The following CDH4 variants were observed in gnomAD, a reference collection of about 807,000 sequenced individuals.
CDH4 encodes cadherin-4.
CDH4 carries 33 observed loss-of-function variants against 86.0 expected under a neutral mutation model. The observed-to-expected ratio is 0.38, with a 90% CI of 0.29 to 0.51. The LOEUF (loss-of-function observed/expected upper bound fraction) is 0.51. Ranked by LOEUF, CDH4 falls within the 20% of genes least tolerant of loss-of-function variation. The pLI is 0.86. For missense variants in CDH4, 1,114 were observed against 1,307.4 expected (o/e 0.85, Z 2.28); for synonymous variants, 555 against 549.4 (o/e 1.01, Z -0.14).
chr20:61,353,093 G>T (rs1263672563), intron 2 of CDH4, among the ~76,000 whole-genome samples: 1 of 152,154 alleles, frequency 6.6e-6, no homozygotes. Flanking sequence ...TCGCCTGCCC[G>T]ACTCTGTCCT....
At chr20:61,906,528 G>A (rs2054790261) in intron 8 of CDH4, among the ~76,000 whole-genome samples, 1 of 152,370 alleles carries the variant, frequency 6.6e-6, no homozygotes, top group African/African-American at 2.4e-5. Context: ...GGGGAGGCCA[G>A]CAGGTTTTCA....
At chr20:61,740,124 A>C (rs1448735392) in intron 2 of CDH4, among the ~76,000 whole-genome samples, 1 of 152,242 alleles carries the variant, frequency 6.6e-6, no homozygotes, top group Non-Finnish European at 1.5e-5. Context: ...TGAAAAGTAG[A>C]ATGGAACGTG....
chr20:61,440,737 C>T (rs569238091), intron 2 of CDH4, among the ~76,000 whole-genome samples: 4 of 152,310 alleles, frequency 2.6e-5, no homozygotes, highest in Non-Finnish European at 4.4e-5. Context: ...CCGTGGCGGG[C>T]GCCATGGAGG....
At chr20:61,936,568 T>C (rs917167185) in intron 15 of CDH4, among the ~76,000 whole-genome samples, 169 bp from the exon 16 acceptor site, 1 of 149,860 alleles carries the variant, frequency 6.7e-6, no homozygotes, top group African/African-American at 2.5e-5. Flanking sequence ...AATGCCCTTT[T>C]CTACTCGGAA....
intron 8 of CDH4, among the ~76,000 whole-genome samples, chr20:61,900,083 G>A (rs1985315107): frequency 6.6e-6 from 1 of 152,068 alleles, no homozygotes; most frequent in African/African-American, 2.4e-5. Context: ...AGCTCTGCAG[G>A]GCAGACAGGC....
rs778048684 is a variant in CDH4 at position 61,258,329 on chromosome 20, C to CA, written c.169+3408dup. ...TGGGCAAAAGAACGAGACTCCGTCTCAAAAAAAAAAAAAAAAGAAAAAAAA... is the reference window on the plus strand; with the variant it reads ...TGGGCAAAAGAACGAGACTCCGTCTCAAAAAAAAAAAAAAAAAGAAAAAAAA... On this transcript the variant is annotated intron_variant, in intron 2 of 15. Coordinates refer to ENST00000614565, the MANE Select transcript of CDH4 (RefSeq NM_001794.5). Among the ~76,000 whole-genome samples the CA allele has an allele frequency of 6.6e-3, 409 of 62,354 alleles. 17 individuals are homozygous for CA. Among genetic ancestry groups the CA allele is most frequent in the South Asian group, 0.012 (11 of 902 alleles). 40.9% of individuals were successfully genotyped at this position (62,354 alleles called of 152,430 possible). A position where few individuals can be genotyped will look rare whatever the true frequency, so the allele number is the denominator to read the frequency against.
intron 2 of CDH4, among the ~76,000 whole-genome samples, chr20:61,657,704 G>A (rs1474634463): frequency 6.6e-6 from 1 of 152,210 alleles, no homozygotes; most frequent in Non-Finnish European, 1.5e-5. Flanking sequence ...AAGGGACGTC[G>A]ATCAAAATGA....
chr20:61,296,147 G>A lies in CDH4; in HGVS notation c.169+41210G>A, dbSNP rs539291902. Among the ~76,000 whole-genome samples the A allele has an allele frequency of 4.6e-5, 7 of 152,276 alleles. No homozygotes were observed. The South Asian group carries it at 1.2e-3, about 27-fold the overall frequency. ...ATCCACACCACATCAAGGGTTGGAT[G>A]TGCTGGAACTTTAGAGTTGTCGAAA... On this transcript the variant is annotated intron_variant, in intron 2 of 15. Coordinates refer to ENST00000614565, the MANE Select transcript of CDH4 (RefSeq NM_001794.5).
chr20:61,591,334 T>G (rs1428054404), intron 2 of CDH4, among the ~76,000 whole-genome samples: 1 of 152,248 alleles, frequency 6.6e-6, no homozygotes, highest in Non-Finnish European at 1.5e-5. Flanking sequence ...TAATGTATTT[T>G]ATGAAAACAA....
rs551997085 is a variant in CDH4 at position 61,910,942 on chromosome 20, A to T, written c.1374+335A>T. Among the ~76,000 whole-genome samples, 7 of 152,290 alleles carry T rather than the reference A, an allele frequency of 4.6e-5. No individual in the cohort carries two copies. The East Asian group carries it at 1.4e-3, about 29-fold the overall frequency. ...TCTTTGCATTCCTGAGACAGATCCC[A>T]CTGAGTAGTGAGGTAATATTTTGTA... On this transcript the variant is annotated intron_variant, in intron 9 of 15. Transcript: ENST00000614565.
In CDH4 at chr20:61,768,318, C is replaced by T. The variant is rs548548324; in HGVS notation, c.397-4685C>T. On this transcript the variant is annotated intron_variant, in intron 3 of 15. Transcript: ENST00000614565. Reference sequence around the variant, plus strand: ...GTGTACATGTAGTCATACACCCATACATCTGTGCATATTTGACGTGTGCAT... The same window carrying T: ...GTGTACATGTAGTCATACACCCATATATCTGTGCATATTTGACGTGTGCAT... Among the ~76,000 whole-genome samples the T allele has an allele frequency of 2.6e-5, 4 of 152,306 alleles. No individual in the cohort carries two copies. The East Asian group carries it at 5.8e-4, about 22-fold the overall frequency.
rs74311947 is a variant in CDH4 at position 61,329,668 on chromosome 20, G to T, written c.169+74731G>T. ...ACTTGGATTCCGCAGACCCTGGATT[G>T]TCACTTTAAAAAAAAAATTAATTTA... On this transcript the variant is annotated intron_variant, in intron 2 of 15. Coordinates refer to ENST00000614565, the MANE Select transcript of CDH4 (RefSeq NM_001794.5). Among the ~76,000 whole-genome samples, 355 of 112,286 alleles carry T rather than the reference G, an allele frequency of 3.2e-3. 6 individuals are homozygous for T. Among genetic ancestry groups the T allele is most frequent in the Admixed American group, 0.022 (245 of 10,958 alleles). 73.7% of individuals were successfully genotyped at this position (112,286 alleles called of 152,430 possible).
chr20:61,265,508 A>G (rs188852413), intron 2 of CDH4, among the ~76,000 whole-genome samples: 1 of 150,034 alleles, frequency 6.7e-6, no homozygotes, highest in Non-Finnish European at 1.5e-5. Context: ...AGTCCTACAC[A>G]TATCTCAGTG....
chr20:61,874,164 G>T (rs1232455179), intron 7 of CDH4, among the ~76,000 whole-genome samples: 1 of 152,064 alleles, frequency 6.6e-6, no homozygotes, highest in East Asian at 1.9e-4. Context: ...AGAAAAGCAG[G>T]GACCACCCGC....
chr20:61,257,125 C>T (rs1450047295), intron 2 of CDH4, among the ~76,000 whole-genome samples: 1 of 152,138 alleles, frequency 6.6e-6, no homozygotes, highest in Non-Finnish European at 1.5e-5. Flanking sequence ...GTTATTCCAG[C>T]GGAGAGAGCT....
intron 2 of CDH4, among the ~76,000 whole-genome samples, chr20:61,380,326 G>GGACACCA (rs1254442209): frequency 6.6e-6 from 1 of 152,144 alleles, no homozygotes; most frequent in African/African-American, 2.4e-5. Flanking sequence ...ATGGTTGAAT[G>GGACACCA]GACACCATTT....
At position 61,400,434 on chromosome 20, in the gene CDH4, C is replaced by G. The variant is rs186111833; in HGVS notation, c.169+145497C>G. Among the ~76,000 whole-genome samples, 3 of 152,244 alleles carry G rather than the reference C, an allele frequency of 2.0e-5. No homozygotes were observed. The East Asian group carries it at 5.8e-4, about 29-fold the overall frequency. ...TGCATCAGAGTTCAGGGAAGAGGAC[C>G]CAGTCCTCCTTGCAGCCTAGATGAT... On this transcript the variant is annotated intron_variant, in intron 2 of 15. Transcript: ENST00000614565.
At chr20:61,777,647 C>CGT (rs1568809840) in intron 4 of CDH4, among the ~76,000 whole-genome samples, 4 of 150,068 alleles carry the variant, frequency 2.7e-5, no homozygotes, top group African/African-American at 7.3e-5. Flanking sequence ...CGTCTACACA[C>CGT]GCACACACGT....
At chr20:61,536,106 C>CT (rs1214455984) in intron 2 of CDH4, among the ~76,000 whole-genome samples, 2 of 152,210 alleles carry the variant, frequency 1.3e-5, no homozygotes, top group Non-Finnish European at 2.9e-5. Context: ...GTGGCCCAGG[C>CT]TACCTGCAGG....
Sources: allele counts gnomAD v4.1 joint callset (sites outside exome capture counted in the v4.1 genomes callset), GRCh38; gene constraint gnomAD v4.1.1; transcripts MANE v1.5; gene names NCBI Gene and HGNC (gene_info 2026-07-23, HGNC 2026-07-21).